SASH1: variants seen among roughly 807,000 people sequenced by gnomAD.
SASH1 encodes the protein SAM and SH3 domain containing 1.
SASH1 carries 44 observed loss-of-function variants against 125.2 expected under a neutral mutation model. That is an observed-to-expected ratio of 0.35 (90% CI 0.28 to 0.45). The LOEUF is 0.45. Ranked by LOEUF, SASH1 falls within the 20% of genes least tolerant of loss-of-function variation. The pLI, the probability that SASH1 is intolerant of heterozygous loss-of-function variation, is 1.00. For missense variants in SASH1, 1,426 were observed against 1,614.5 expected (o/e 0.88, Z 2.00); for synonymous variants, 639 against 649.1 (o/e 0.98, Z 0.24).
chr6:148,220,760 C>A, the SASH1 span, among the ~76,000 whole-genome samples: 6 of 152,060 alleles, frequency 3.9e-5, no homozygotes, highest in Non-Finnish European at 8.8e-5. Context: ...ACTAAAAATA[C>A]AAAAATTACC....
chr6:148,302,820 G>GTA (rs71031062), intron 1 of SASH1, among the ~76,000 whole-genome samples: 13,319 of 143,502 alleles, frequency 0.093, 678 homozygotes, highest in East Asian at 0.15. Context: ...GACCTCAGGA[G>GTA]TATATATATA....
intron 10 of SASH1, among the ~76,000 whole-genome samples, chr6:148,524,121 A>ATTTT (rs796565408): frequency 3.1e-5 from 4 of 128,602 alleles, no homozygotes; most frequent in South Asian, 2.6e-4. Flanking sequence ...ATATATATAT[A>ATTTT]TTTTTTTTAA....
chr6:148,271,670 G>C (rs143984578), upstream of SASH1, among the ~76,000 whole-genome samples: 26 of 152,318 alleles, frequency 1.7e-4, no homozygotes, highest in African/African-American at 4.8e-4. Context: ...TTCAGAGTTT[G>C]AAGCCTGGCA....
chr6:148,287,822 GCATCCTCCCAGA>G (rs1779525783), intron 1 of SASH1, among the ~76,000 whole-genome samples: 1 of 152,068 alleles, frequency 6.6e-6, no homozygotes, highest in South Asian at 2.1e-4. Flanking sequence ...GTGCACACTG[GCATCCTCCCAGA>G]CATCTCCCGT....
chr6:148,437,834 A>C (rs1345120476), intron 2 of SASH1, among the ~76,000 whole-genome samples: 1 of 152,266 alleles, frequency 6.6e-6, no homozygotes, highest in East Asian at 1.9e-4. Context: ...TCAAACATTT[A>C]ATATGGTTGT....
chr6:148,451,074 C>T (rs1011054457), intron 4 of SASH1, among the ~76,000 whole-genome samples: 1 of 152,228 alleles, frequency 6.6e-6, no homozygotes. Context: ...TGTATACTTC[C>T]CTAATCCCAG....
At chr6:148,459,309 C>T (rs1041638419) in intron 4 of SASH1, among the ~76,000 whole-genome samples, 5 of 152,206 alleles carry the variant, frequency 3.3e-5, no homozygotes, top group African/African-American at 1.2e-4. Flanking sequence ...AGATCTGATT[C>T]TCCCTCCTTC....
chr6:148,469,915 A>C (rs1185928210), intron 5 of SASH1, among the ~76,000 whole-genome samples: 2 of 151,932 alleles, frequency 1.3e-5, no homozygotes, highest in African/African-American at 4.8e-5. Context: ...AATCCCAGCT[A>C]TTCAGGAGGC....
the SASH1 span, among the ~76,000 whole-genome samples, chr6:148,213,470 A>G: frequency 2.7e-5 from 4 of 150,634 alleles, no homozygotes; most frequent in African/African-American, 9.7e-5. Context: ...GTGGAGATGT[A>G]ATTGCTGTAG....
Position 148,531,522 on chromosome 6 carries a change from G to T in SASH1, c.1429-4G>T. ...CTTCTTCATTTTGTTGAAACCCATGGCAGGACTCGGGCCTTGATGGAATGC... is the reference window on the plus strand; with the variant it reads ...CTTCTTCATTTTGTTGAAACCCATGTCAGGACTCGGGCCTTGATGGAATGC... On this transcript the variant is annotated splice_region_variant and splice_polypyrimidine_tract_variant and intron_variant, in intron 12 of 19. Coordinates refer to ENST00000367467, the MANE Select transcript of SASH1 (RefSeq NM_015278.5). 6.7e-7 allele frequency: 1 copy of T among 1,503,674 alleles called. No homozygotes were observed. The highest frequency in any genetic ancestry group is 1.3e-5 in the South Asian group (1 of 74,608). 93.1% of individuals were successfully genotyped at this position (1,503,674 alleles called of 1,614,324 possible).
intron 2 of SASH1, among the ~76,000 whole-genome samples, chr6:148,403,306 T>C (rs560649229): frequency 3.9e-5 from 6 of 152,092 alleles, no homozygotes; most frequent in South Asian, 2.1e-4. Context: ...GGTCTCACTA[T>C]GTTGCCTGGT....
At chr6:148,302,348 A>G (rs1405937324) in intron 1 of SASH1, among the ~76,000 whole-genome samples, 2 of 145,396 alleles carry the variant, frequency 1.4e-5, no homozygotes. Context: ...AAAACTAGTA[A>G]TATTATGACC....
the SASH1 span, among the ~76,000 whole-genome samples, chr6:148,213,505 GGTGTGTGT>G: frequency 1.3e-5 from 2 of 148,352 alleles, no homozygotes; most frequent in Admixed American, 6.8e-5. Context: ...CTAGCCAAAG[GGTGTGTGT>G]GTGTGTGTGT....
intron 16 of SASH1, among the ~76,000 whole-genome samples, 163 bp from the exon 17 acceptor site, chr6:148,540,280 A>G (rs1782137173): frequency 6.6e-6 from 1 of 152,204 alleles, no homozygotes; most frequent in Non-Finnish European, 1.5e-5. Flanking sequence ...TTGGAAGAAA[A>G]GTTGTGATCA....
chr6:148,372,542 T>TTTTA (rs1393335965), intron 1 of SASH1, among the ~76,000 whole-genome samples: 1 of 152,202 alleles, frequency 6.6e-6, no homozygotes, highest in Non-Finnish European at 1.5e-5. Flanking sequence ...ACTTGCTAGT[T>TTTTA]ACTTTTAAGG....
chr6:148,507,446 C>A (rs1377076901), intron 8 of SASH1, among the ~76,000 whole-genome samples: 1 of 152,170 alleles, frequency 6.6e-6, no homozygotes. Flanking sequence ...TCTTGGCTCA[C>A]TGCAGCCTCT....
At chr6:148,262,216 C>T in the SASH1 span, among the ~76,000 whole-genome samples, 13 of 152,130 alleles carry the variant, frequency 8.5e-5, no homozygotes, top group African/African-American at 3.1e-4. Flanking sequence ...CTGTAGAGTG[C>T]GGTGGTCTCC....
intron 4 of SASH1, among the ~76,000 whole-genome samples, chr6:148,458,275 A>G (rs1481499472): frequency 6.6e-6 from 1 of 152,228 alleles, no homozygotes; most frequent in African/African-American, 2.4e-5. Context: ...TTTTTGTCAT[A>G]GAAACACTAG....
At position 148,302,053 on chromosome 6, in the gene SASH1, C is replaced by T. The variant is rs574735376; in HGVS notation, n.74+29676C>T. Among the ~76,000 whole-genome samples the T allele has an allele frequency of 3.3e-3, 503 of 151,606 alleles. 2 individuals carry two copies. Among genetic ancestry groups the T allele is most frequent in the African/African-American group, 0.011 (470 of 41,428 alleles). ...GTAATAGGCCGGGCGTGGCGGCTCA[C>T]GCCTGTAATCCCAGCACTTTGGGAG... On this transcript the variant is annotated intron_variant and non_coding_transcript_variant, in intron 1 of 3. Coordinates refer to the SASH1 transcript ENST00000367469.
Sources: allele counts gnomAD v4.1 joint callset (sites outside exome capture counted in the v4.1 genomes callset), GRCh38; gene constraint gnomAD v4.1.1; transcripts MANE v1.5; gene names NCBI Gene and HGNC (gene_info 2026-07-23, HGNC 2026-07-21).